TOGARAM2: variants seen among roughly 807,000 people sequenced by gnomAD.
TOGARAM2 encodes the protein TOG array regulator of axonemal microtubules 2.
Under a neutral mutation model 93.3 loss-of-function variants are expected in TOGARAM2, and 85 were observed. The ratio of observed to expected loss-of-function variants is 0.91; its 90% confidence interval spans 0.76 to 1.09. The LOEUF is 1.09. TOGARAM2 is among the 50% of genes least tolerant of loss of function. The probability of loss-of-function intolerance (pLI) is 0.00; values close to 1 mark genes in which losing one functional copy is unlikely to be tolerated. For synonymous variants in TOGARAM2, 593 were observed against 552.8 expected (o/e 1.07, Z -1.02); for missense variants, 1,277 against 1,334.5 (o/e 0.96, Z 0.67).
intron 1 of TOGARAM2, among the ~76,000 whole-genome samples, chr2:28,991,435 T>C (rs1281970685): frequency 6.6e-6 from 1 of 152,184 alleles, no homozygotes; most frequent in African/African-American, 2.4e-5. Context: ...GCTGCCACCT[T>C]TCCCCTCAGC....
chr2:29,046,364 A>C (rs1280346500), intron 19 of TOGARAM2: 1 of 152,266 alleles, frequency 6.6e-6, no homozygotes. Flanking sequence ...TCTTGGTTTC[A>C]TGATCATTTT....
chr2:28,994,125 A>G (rs896462721), intron 1 of TOGARAM2, among the ~76,000 whole-genome samples: 12 of 152,202 alleles, frequency 7.9e-5, no homozygotes, highest in African/African-American at 2.7e-4. Flanking sequence ...GCAAGAGCTG[A>G]GGGCTGACCC....
upstream of TOGARAM2, among the ~76,000 whole-genome samples, chr2:28,978,414 A>G (rs1364827851): frequency 1.3e-5 from 2 of 152,184 alleles, no homozygotes; most frequent in Non-Finnish European, 1.5e-5. Context: ...GTCATTTGCA[A>G]TGGGAAGTGT....
intron 18 of TOGARAM2, among the ~76,000 whole-genome samples, chr2:29,043,223 A>G (rs964110599): frequency 1.3e-5 from 2 of 152,178 alleles, no homozygotes; most frequent in Admixed American, 1.3e-4. Flanking sequence ...CATCTCATTT[A>G]TCTCCCAGGG....
chr2:29,001,658 G>A (rs762501211), intron 4 of TOGARAM2, among the ~76,000 whole-genome samples: 5 of 152,040 alleles, frequency 3.3e-5, no homozygotes, highest in South Asian at 2.1e-4. Context: ...GTGCCACCAC[G>A]CCCGGCTAAT....
chr2:28,995,554 C>T (rs1222068917), intron 2 of TOGARAM2, among the ~76,000 whole-genome samples: 1 of 152,230 alleles, frequency 6.6e-6, no homozygotes, highest in East Asian at 1.9e-4. Flanking sequence ...AAAAGACCTG[C>T]TTACTTTAGT....
chr2:28,964,220 T>A (rs1215912924), intron 1 of TOGARAM2, among the ~76,000 whole-genome samples: 1 of 152,232 alleles, frequency 6.6e-6, no homozygotes, highest in East Asian at 1.9e-4. Flanking sequence ...ATGTATGTTA[T>A]GCTTTGTTAT....
chr2:29,011,545 T>G, intron 7 of TOGARAM2, 44 bp downstream of exon 7: 10 of 1,557,378 alleles, frequency 6.4e-6, no homozygotes, highest in Non-Finnish European at 8.7e-6. Context: ...TTTGACTCTC[T>G]ACATTCCTGG....
intron 1 of TOGARAM2, among the ~76,000 whole-genome samples, chr2:28,983,198 A>ATATT (rs1196223294): frequency 1.8e-5 from 1 of 56,626 alleles, no homozygotes; most frequent in African/African-American, 8.3e-5. Flanking sequence ...ATATATATAT[A>ATATT]TTTTTTTTTT....
chr2:29,004,714 GTA>G (rs1359906810), intron 6 of TOGARAM2, among the ~76,000 whole-genome samples: 3 of 149,402 alleles, frequency 2.0e-5, no homozygotes, highest in Admixed American at 6.8e-5. Flanking sequence ...GTGTGTCTGA[GTA>G]TGTGTATATG....
intron 13 of TOGARAM2, among the ~76,000 whole-genome samples, chr2:29,026,270 G>A (rs979205647): frequency 3.4e-4 from 52 of 151,932 alleles, no homozygotes; most frequent in African/African-American, 8.7e-4. Flanking sequence ...CACTCTTTTC[G>A]TCATTATGGA....
At chr2:29,010,782 C>T (rs1162349373) in intron 6 of TOGARAM2, among the ~76,000 whole-genome samples, 2 of 152,108 alleles carry the variant, frequency 1.3e-5, no homozygotes, top group Non-Finnish European at 2.9e-5. Flanking sequence ...TAGAATAGTG[C>T]TTGACACATA....
chr2:28,970,485 C>T (rs1250522140), intron 1 of TOGARAM2, among the ~76,000 whole-genome samples: 1 of 152,188 alleles, frequency 6.6e-6, no homozygotes, highest in Non-Finnish European at 1.5e-5. Context: ...GTTAAATGAG[C>T]CATTAGGATC....
At chr2:29,006,282 T>C (rs991871081) in intron 6 of TOGARAM2, among the ~76,000 whole-genome samples, 20 of 148,394 alleles carry the variant, frequency 1.3e-4, no homozygotes, top group African/African-American at 5.0e-4. Context: ...TATGTGTGCA[T>C]GTATGTGTGC....
chr2:28,968,369 A>G (rs534561927), intron 1 of TOGARAM2, among the ~76,000 whole-genome samples: 20 of 152,086 alleles, frequency 1.3e-4, no homozygotes, highest in Non-Finnish European at 1.8e-4. Flanking sequence ...ATTCATGGGT[A>G]TGTTCTGCTC....
chr2:29,033,617 A>G, intron 16 of TOGARAM2, 54 bp downstream of exon 16: 5 of 1,553,352 alleles, frequency 3.2e-6, no homozygotes, highest in Non-Finnish European at 4.4e-6. Context: ...TGACAGAGGC[A>G]TCCTGCTTGT....
At chr2:29,010,136 A>G (rs955367733) in intron 6 of TOGARAM2, among the ~76,000 whole-genome samples, 11 of 152,062 alleles carry the variant, frequency 7.2e-5, no homozygotes, top group African/African-American at 2.7e-4. Flanking sequence ...GGTTTTTGGC[A>G]TCCTGTGCTC....
At position 28,999,240 on chromosome 2, in the gene TOGARAM2, C is replaced by T. The variant is rs778526105; in HGVS notation, c.199C>T (p.Arg67Cys). ...LNNEEPSQLLRGLGQLGGLKL... is the reference protein window; with the variant it reads ...LNNEEPSQLLCGLGQLGGLKL... ...CAACGAGGAACCGTCACAGCTCCTG[C>T]GTGGACTCGGACAGCTGGGTGGCCT... Residue 67 changes from arginine (R) to cysteine (C), a missense_variant, in exon 4 of 20, where the codon CGT becomes TGT. Coordinates refer to ENST00000379558, the MANE Select transcript of TOGARAM2 (RefSeq NM_199280.4). 70 of 1,613,716 alleles carry T rather than the reference C, an allele frequency of 4.3e-5. No individual in the cohort carries two copies. Among genetic ancestry groups the T allele is most frequent in the Non-Finnish European group, 5.5e-5 (65 of 1,179,816 alleles).
At chr2:29,009,409 C>G (rs1455431054) in intron 6 of TOGARAM2, among the ~76,000 whole-genome samples, 1 of 151,954 alleles carries the variant, frequency 6.6e-6, no homozygotes, top group Non-Finnish European at 1.5e-5. Context: ...GCCATGTTGG[C>G]AACCTCAGAG....
Sources: allele counts gnomAD v4.1 joint callset (sites outside exome capture counted in the v4.1 genomes callset), GRCh38; gene constraint gnomAD v4.1.1; transcripts MANE v1.5; gene names NCBI Gene and HGNC (gene_info 2026-07-23, HGNC 2026-07-21).